Variants in CNTN4 observed in about 807,000 individuals in gnomAD.
CNTN4 encodes the protein contactin-4.
In CNTN4, 77 loss-of-function variants were observed where a neutral mutation model predicts 122.5. That is an observed-to-expected ratio of 0.63 (90% CI 0.52 to 0.76). CNTN4 has a LOEUF of 0.76. Among genes scored for constraint, CNTN4 ranks in the 30% least tolerant of loss-of-function variants. CNTN4 has a pLI of 0.00. For synonymous variants in CNTN4, 512 were observed against 447.0 expected, an observed-to-expected ratio of 1.15 and a Z score of -1.83; for missense variants, 1,256 against 1,259.1, an observed-to-expected ratio of 1.00 and a Z score of 0.04.
intron 2 of CNTN4, among the ~76,000 whole-genome samples, chr3:2,131,258 G>A (rs182213982): frequency 7.9e-4 from 120 of 152,234 alleles, no homozygotes; most frequent in Non-Finnish European, 8.8e-5. Context: ...AGTCGAATTA[G>A]ACACCAAATC....
At chr3:2,794,587 T>C (rs1219216203) in intron 6 of CNTN4, among the ~76,000 whole-genome samples, 4 of 152,168 alleles carry the variant, frequency 2.6e-5, no homozygotes, top group Non-Finnish European at 4.4e-5. Flanking sequence ...GTACCTCAAA[T>C]AGGGCATGTT....
chr3:2,492,964 T>C (rs2076358406), intron 3 of CNTN4, among the ~76,000 whole-genome samples: 1 of 152,112 alleles, frequency 6.6e-6, no homozygotes, highest in Non-Finnish European at 1.5e-5. Flanking sequence ...CATAAAAAAA[T>C]TGATTTTCCT....
chr3:2,308,801 T>G (rs984117064), intron 2 of CNTN4, among the ~76,000 whole-genome samples: 5 of 152,098 alleles, frequency 3.3e-5, no homozygotes, highest in African/African-American at 1.2e-4. Context: ...GTATCATTTT[T>G]TATATTATTT....
intron 3 of CNTN4, among the ~76,000 whole-genome samples, chr3:2,373,741 G>A (rs1016302720): frequency 6.6e-6 from 1 of 152,104 alleles, no homozygotes; most frequent in Non-Finnish European, 1.5e-5. Flanking sequence ...GTCATATTTG[G>A]ACAGATAGAT....
chr3:2,881,990 T>C (rs904716529), intron 8 of CNTN4, among the ~76,000 whole-genome samples: 6 of 152,212 alleles, frequency 3.9e-5, no homozygotes, highest in Admixed American at 3.9e-4. Context: ...TCATAAAAAC[T>C]GATCAGAGAT....
chr3:2,327,152 T>TG (rs4057742), intron 2 of CNTN4, among the ~76,000 whole-genome samples: 49,225 of 150,116 alleles, frequency 0.33, 8,125 homozygotes, highest in Admixed American at 0.38. Flanking sequence ...TGTGTGTGTG[T>TG]TTGTGTGTGT....
At chr3:2,474,576 G>T (rs890031618) in intron 3 of CNTN4, among the ~76,000 whole-genome samples, 2 of 152,142 alleles carry the variant, frequency 1.3e-5, no homozygotes, top group Non-Finnish European at 2.9e-5. Context: ...GATGATGAAG[G>T]TGGTGGTTGT....
intron 3 of CNTN4, among the ~76,000 whole-genome samples, chr3:2,418,054 A>G (rs1264110434): frequency 6.6e-6 from 1 of 152,192 alleles, no homozygotes; most frequent in Admixed American, 6.5e-5. Flanking sequence ...TACTATAATG[A>G]TAGATACAGA....
chr3:2,712,817 C>T (rs2728040), intron 4 of CNTN4, among the ~76,000 whole-genome samples: 8,420 of 152,142 alleles, frequency 0.055, 583 homozygotes, highest in African/African-American at 0.16. Flanking sequence ...CCAATCATGC[C>T]TATGTAAAGA....
intron 2 of CNTN4, among the ~76,000 whole-genome samples, chr3:2,317,821 T>A (rs1159492705): frequency 6.6e-6 from 1 of 152,090 alleles, no homozygotes; most frequent in Non-Finnish European, 1.5e-5. Flanking sequence ...GAACTCAGAG[T>A]CTGTGTCCCA....
chr3:2,194,255 G>A (rs2149354682), intron 2 of CNTN4, among the ~76,000 whole-genome samples: 1 of 152,128 alleles, frequency 6.6e-6, no homozygotes, highest in African/African-American at 2.4e-5. Flanking sequence ...CTTGAGCCCA[G>A]GAGTTTGAGA....
At chr3:2,706,407 T>C (rs2086740485) in intron 4 of CNTN4, among the ~76,000 whole-genome samples, 1 of 152,154 alleles carries the variant, frequency 6.6e-6, no homozygotes. Context: ...GAAGGTGCTC[T>C]AAAATATGAA....
At chr3:2,306,349 T>C (rs1319205916) in intron 2 of CNTN4, among the ~76,000 whole-genome samples, 1 of 152,202 alleles carries the variant, frequency 6.6e-6, no homozygotes, top group Non-Finnish European at 1.5e-5. Flanking sequence ...TCTAAGTGAA[T>C]GGAAAGTGTT....
chr3:2,576,543 G>GT (rs1260322395), intron 4 of CNTN4, among the ~76,000 whole-genome samples: 1 of 127,774 alleles, frequency 7.8e-6, no homozygotes, highest in African/African-American at 2.9e-5. Flanking sequence ...TTTTGTTACT[G>GT]TTTTTTTCTT....
intron 4 of CNTN4, among the ~76,000 whole-genome samples, chr3:2,646,301 T>G (rs1048650533): frequency 2.1e-4 from 32 of 152,336 alleles, no homozygotes; most frequent in African/African-American, 7.7e-4. Flanking sequence ...CATAGTATTT[T>G]TATTAAGTTC....
intron 2 of CNTN4, among the ~76,000 whole-genome samples, chr3:2,330,467 G>A (rs1575391408): frequency 6.6e-6 from 1 of 152,124 alleles, no homozygotes; most frequent in South Asian, 2.1e-4. Flanking sequence ...CCTTCTAAAA[G>A]ACTTATCACT....
At chr3:2,808,327 C>T (rs974570133) in intron 6 of CNTN4, among the ~76,000 whole-genome samples, 4 of 152,024 alleles carry the variant, frequency 2.6e-5, no homozygotes, top group African/African-American at 9.7e-5. Context: ...AATATTCATT[C>T]TGGTGTTACT....
chr3:2,760,260 G>T (rs751061056), intron 6 of CNTN4, among the ~76,000 whole-genome samples: 1 of 152,138 alleles, frequency 6.6e-6, no homozygotes, highest in East Asian at 1.9e-4. Context: ...AATCCAAGGT[G>T]ACAAAAACTT....
chr3:2,706,181 A>T (rs2086724608), intron 4 of CNTN4, among the ~76,000 whole-genome samples: 1 of 151,546 alleles, frequency 6.6e-6, no homozygotes, highest in African/African-American at 2.4e-5. Flanking sequence ...TTTATAGAAT[A>T]GGGGGAAAAC....
Sources: gnomAD v4.1 joint callset for allele counts (sites outside exome capture counted in the v4.1 genomes callset) on GRCh38, gnomAD v4.1.1 for gene constraint, MANE v1.5 for transcripts, NCBI Gene and HGNC (gene_info 2026-07-23, HGNC 2026-07-21) for gene names.